LDB2: variants seen among roughly 807,000 people sequenced by gnomAD.
LDB2 encodes LIM domain binding 2.
LDB2 carries 12 observed loss-of-function variants against 44.3 expected under a neutral mutation model. The observed-to-expected ratio is 0.27, with a 90% CI of 0.17 to 0.44. The LOEUF (loss-of-function observed/expected upper bound fraction) is 0.44, where lower values mean the gene tolerates loss of function less well. LDB2 is among the 20% of genes least tolerant of loss of function. The pLI is 1.00. For missense variants in LDB2, 344 were observed against 473.5 expected, an observed-to-expected ratio of 0.73 and a Z score of 2.54; for synonymous variants, 164 against 174.8, an observed-to-expected ratio of 0.94 and a Z score of 0.49.
chr4:16,853,232 A>G (rs935500551), intron 1 of LDB2, among the ~76,000 whole-genome samples: 1 of 152,222 alleles, frequency 6.6e-6, no homozygotes, highest in African/African-American at 2.4e-5. Flanking sequence ...CAAAGCATGT[A>G]TCTCATAAAG....
chr4:16,758,910 G>T (rs2109204160), intron 2 of LDB2, among the ~76,000 whole-genome samples: 1 of 152,282 alleles, frequency 6.6e-6, no homozygotes, highest in Admixed American at 6.5e-5. Flanking sequence ...ATCACTGGGT[G>T]ACTTGGTTCA....
chr4:16,557,830 C>A (rs1740333486), intron 5 of LDB2, among the ~76,000 whole-genome samples: 1 of 152,204 alleles, frequency 6.6e-6, no homozygotes, highest in Non-Finnish European at 1.5e-5. Context: ...TAGGGGCAGA[C>A]TGACACCTCA....
chr4:16,772,071 TC>T (rs1770836482), intron 1 of LDB2, among the ~76,000 whole-genome samples: 1 of 152,076 alleles, frequency 6.6e-6, no homozygotes, highest in African/African-American at 2.4e-5. Flanking sequence ...AGGGCTGCAC[TC>T]CACTACACCA....
chr4:16,507,811 G>A (rs1720130705), intron 7 of LDB2, among the ~76,000 whole-genome samples: 1 of 152,094 alleles, frequency 6.6e-6, no homozygotes, highest in Non-Finnish European at 1.5e-5. Flanking sequence ...TTAGGCAGAA[G>A]GGACAGAATT....
At chr4:16,897,003 G>A (rs2110570220) in intron 1 of LDB2, among the ~76,000 whole-genome samples, 1 of 152,270 alleles carries the variant, frequency 6.6e-6, no homozygotes, top group South Asian at 2.1e-4. Flanking sequence ...AGCGTCTATG[G>A]TGTATTAACA....
chr4:16,713,375 T>A (rs927233342), intron 2 of LDB2, among the ~76,000 whole-genome samples: 7 of 152,128 alleles, frequency 4.6e-5, no homozygotes, highest in African/African-American at 1.7e-4. Context: ...TTTTTTTTTT[T>A]TAAAGAACAG....
chr4:16,542,055 A>C (rs1009041296), intron 5 of LDB2, among the ~76,000 whole-genome samples: 1 of 145,144 alleles, frequency 6.9e-6, no homozygotes, highest in South Asian at 2.3e-4. Context: ...TGACGTGCAC[A>C]TAACAGCAAA....
intron 1 of LDB2, 72 bp from the exon 2 acceptor site, chr4:16,759,332 G>A: frequency 1.7e-6 from 2 of 1,183,992 alleles, no homozygotes; most frequent in South Asian, 1.2e-5. Flanking sequence ...GAAAAGGGAA[G>A]AGAAAGAAAA....
intron 5 of LDB2, among the ~76,000 whole-genome samples, chr4:16,514,867 T>C (rs1723050209): frequency 6.6e-6 from 1 of 152,218 alleles, no homozygotes; most frequent in African/African-American, 2.4e-5. Context: ...GTTAACTCCA[T>C]ATTCCAACAT....
At chr4:16,860,013 A>G (rs545627508) in intron 1 of LDB2, among the ~76,000 whole-genome samples, 3 of 152,354 alleles carry the variant, frequency 2.0e-5, no homozygotes, top group Admixed American at 6.5e-5. Flanking sequence ...TCATGGAGAT[A>G]GAATTCAAAG....
At chr4:16,761,664 T>C (rs927084559) in intron 1 of LDB2, among the ~76,000 whole-genome samples, 2 of 152,116 alleles carry the variant, frequency 1.3e-5, no homozygotes, top group African/African-American at 2.4e-5. Context: ...CTAAATAAAT[T>C]AGTAGGTATA....
intron 5 of LDB2, among the ~76,000 whole-genome samples, chr4:16,524,531 T>C (rs988403864): frequency 6.7e-6 from 1 of 150,340 alleles, no homozygotes; most frequent in African/African-American, 2.5e-5. Context: ...GGAAAGAGAG[T>C]ATGAGGGAGG....
chr4:16,742,283 G>T (rs944409657), intron 2 of LDB2, among the ~76,000 whole-genome samples: 1 of 152,036 alleles, frequency 6.6e-6, no homozygotes, highest in Non-Finnish European at 1.5e-5. Flanking sequence ...TGTTGGCCAG[G>T]ATGGTCTTGA....
At chr4:16,729,559 C>G (rs1015579273) in intron 2 of LDB2, among the ~76,000 whole-genome samples, 1 of 152,112 alleles carries the variant, frequency 6.6e-6, no homozygotes, top group Non-Finnish European at 1.5e-5. Context: ...ATATTTCAGG[C>G]CGCTTTTATC....
chr4:16,895,099 C>T (rs1724551099), intron 1 of LDB2, among the ~76,000 whole-genome samples: 1 of 135,034 alleles, frequency 7.4e-6, no homozygotes, highest in Admixed American at 8.3e-5. Flanking sequence ...GCACTCTTTA[C>T]TTCATAATAC....
intron 2 of LDB2, among the ~76,000 whole-genome samples, chr4:16,749,587 A>ATATAT (rs1261987472): frequency 1.4e-5 from 2 of 145,446 alleles, no homozygotes; most frequent in Non-Finnish European, 3.0e-5. Flanking sequence ...AAAATAAAAA[A>ATATAT]AAATATATAT....
intron 6 of LDB2, among the ~76,000 whole-genome samples, chr4:16,511,269 C>T (rs1011760173): frequency 6.6e-6 from 1 of 152,100 alleles, no homozygotes; most frequent in Admixed American, 6.6e-5. Context: ...GAATGAGGCT[C>T]AACACACGCC....
chr4:16,744,016 A>C (rs756036160), intron 2 of LDB2, among the ~76,000 whole-genome samples: 6 of 152,226 alleles, frequency 3.9e-5, no homozygotes, highest in Non-Finnish European at 8.8e-5. Flanking sequence ...TTGGCTCTAA[A>C]ATATTTTGAA....
intron 7 of LDB2, chr4:16,505,972 G>A (rs766899204): frequency 7.7e-6 from 12 of 1,551,428 alleles, no homozygotes; most frequent in South Asian, 3.6e-5. Flanking sequence ...GTTCGGGATC[G>A]CTCCTAGCCC....
Sources: allele counts gnomAD v4.1 joint callset (sites outside exome capture counted in the v4.1 genomes callset), GRCh38; gene constraint gnomAD v4.1.1; transcripts MANE v1.5; gene names NCBI Gene and HGNC (gene_info 2026-07-23, HGNC 2026-07-21).